The following VAT1L variants were observed in gnomAD, a reference collection of about 807,000 sequenced individuals.
VAT1L encodes the protein putative NADPH-dependent quinone oxidoreductase VAT1L.
Under a neutral mutation model 44.1 loss-of-function variants are expected in VAT1L, and 34 were observed. The ratio of observed to expected loss-of-function variants is 0.77; its 90% CI spans 0.59 to 1.03. VAT1L has a LOEUF of 1.03. Among genes scored for constraint, VAT1L ranks in the 50% least tolerant of loss-of-function variants. The pLI, the probability that VAT1L is intolerant of heterozygous loss-of-function variation, is 0.00. For synonymous variants in VAT1L, 253 were observed against 202.2 expected, an observed-to-expected ratio of 1.25 and a Z score of -2.13; for missense variants, 615 against 538.8, an observed-to-expected ratio of 1.14 and a Z score of -1.40.
chr16:77,868,434 G>A (rs2016997842), intron 4 of VAT1L, among the ~76,000 whole-genome samples: 1 of 152,192 alleles, frequency 6.6e-6, no homozygotes, highest in Admixed American at 6.5e-5. Context: ...AGCACTGTGG[G>A]GGCACAGGTG....
chr16:77,821,077 G>A (rs922730975), intron 2 of VAT1L, among the ~76,000 whole-genome samples: 5 of 152,172 alleles, frequency 3.3e-5, no homozygotes, highest in Admixed American at 1.3e-4. Flanking sequence ...GTTAGACAAC[G>A]TTCAGTTACT....
intron 7 of VAT1L, among the ~76,000 whole-genome samples, chr16:77,922,359 A>G (rs1465141527): frequency 1.3e-5 from 2 of 152,196 alleles, no homozygotes; most frequent in Non-Finnish European, 2.9e-5. Flanking sequence ...GGCCAGTTCC[A>G]TCAAGGCAGC....
chr16:77,857,524 T>C (rs1159757894), intron 3 of VAT1L, among the ~76,000 whole-genome samples: 5 of 152,102 alleles, frequency 3.3e-5, no homozygotes, highest in African/African-American at 4.8e-5. Context: ...CAAGTAGATA[T>C]GTGATGAATT....
In VAT1L at chr16:77,867,089, G is replaced by A. The variant is rs149332650; in HGVS notation, c.722+4199G>A. On this transcript the variant is annotated intron_variant, in intron 4 of 8. Transcript: ENST00000302536. ...ATTAGACCATTTTCTGTGCACCTGA[G>A]ACAATCCTGCAAGGTGAACATTCCT... Among the ~76,000 whole-genome samples, 29 of 152,272 alleles carry A rather than the reference G, an allele frequency of 1.9e-4. No homozygotes were observed. The East Asian group carries it at 5.2e-3, about 27-fold the overall frequency.
intron 7 of VAT1L, among the ~76,000 whole-genome samples, chr16:77,896,502 G>T (rs995268716): frequency 6.6e-6 from 1 of 152,204 alleles, no homozygotes; most frequent in Admixed American, 6.5e-5. Flanking sequence ...GACTGACAGA[G>T]AGTAAGTGCT....
At chr16:77,960,581 T>C (rs2018150483) in intron 7 of VAT1L, among the ~76,000 whole-genome samples, 1 of 152,180 alleles carries the variant, frequency 6.6e-6, no homozygotes. Context: ...AGGGGAAATA[T>C]CTTCATTCTC....
At chr16:77,857,579 A>G (rs777765366) in intron 3 of VAT1L, among the ~76,000 whole-genome samples, 33 of 151,506 alleles carry the variant, frequency 2.2e-4, no homozygotes, top group Non-Finnish European at 3.8e-4. Context: ...ATAGATTATT[A>G]TATATTATAC....
At position 77,824,109 on chromosome 16, in the gene VAT1L, A is replaced by G. The variant is rs765698469; in HGVS notation, c.364-1137A>G. ...GGCTGTAAGTTCCTCATGTTTGGCT[A>G]TGGGGACTACATTTTTGAGAAGTCC... On this transcript the variant is annotated intron_variant, in intron 2 of 8. Transcript: ENST00000302536. Among the ~76,000 whole-genome samples, 6 of 152,226 alleles carry G rather than the reference A, an allele frequency of 3.9e-5. No individual in the cohort carries two copies. In the South Asian group the frequency reaches 1.0e-3, roughly 26 times the overall value.
chr16:77,908,201 T>G (rs972410637), intron 7 of VAT1L, among the ~76,000 whole-genome samples: 1 of 149,608 alleles, frequency 6.7e-6, no homozygotes, highest in African/African-American at 2.5e-5. Flanking sequence ...ATGGCACCAC[T>G]GCACTCCAGC....
chr16:77,804,649 G>C (rs111323604), intron 1 of VAT1L, among the ~76,000 whole-genome samples: 352 of 152,256 alleles, frequency 2.3e-3, no homozygotes, highest in African/African-American at 8.3e-3. Context: ...CCATCATGAT[G>C]AGTTTGTCCC....
chr16:77,830,116 A>G (rs74029427), intron 3 of VAT1L, among the ~76,000 whole-genome samples: 3,019 of 152,164 alleles, frequency 0.02, 95 homozygotes, highest in African/African-American at 0.067. Flanking sequence ...AGATGAGGCA[A>G]GATCAGCACT....
At chr16:77,911,677 G>A (rs1224607356) in intron 7 of VAT1L, among the ~76,000 whole-genome samples, 2 of 152,194 alleles carry the variant, frequency 1.3e-5, no homozygotes, top group African/African-American at 4.8e-5. Flanking sequence ...GTTTGTGGGA[G>A]GTGGGGAAGG....
intron 2 of VAT1L, among the ~76,000 whole-genome samples, chr16:77,821,312 T>G (rs1268127556): frequency 6.6e-6 from 1 of 151,778 alleles, no homozygotes; most frequent in Non-Finnish European, 1.5e-5. Flanking sequence ...TTTTTTTTTT[T>G]TTTTCGAGAT....
At chr16:77,926,074 A>G (rs527303936) in intron 7 of VAT1L, among the ~76,000 whole-genome samples, 76 of 150,828 alleles carry the variant, frequency 5.0e-4, no homozygotes, top group African/African-American at 1.8e-3. Context: ...CATCCTGGCT[A>G]ACACTGTGAA....
chr16:77,930,285 G>C (rs1263675539), intron 7 of VAT1L, among the ~76,000 whole-genome samples: 1 of 152,168 alleles, frequency 6.6e-6, no homozygotes, highest in African/African-American at 2.4e-5. Context: ...CTCAGTGAAA[G>C]CCACTAGGTC....
chr16:77,879,756 A>G lies in VAT1L; in HGVS notation c.882+532A>G, dbSNP rs1366415944. Among the ~76,000 whole-genome samples, 1 of 152,214 alleles carries G rather than the reference A, an allele frequency of 6.6e-6. No homozygotes were observed. Among genetic ancestry groups the G allele is most frequent in the Non-Finnish European group, 1.5e-5 (1 of 68,040 alleles). Reference sequence around the variant, plus strand: ...GTGGGAGTGTCAGAGAAACTCAAGAAAGCTACAGCTTTATTTCAGTCAAAA... The same window carrying G: ...GTGGGAGTGTCAGAGAAACTCAAGAGAGCTACAGCTTTATTTCAGTCAAAA... On this transcript the variant is annotated intron_variant, in intron 6 of 8. Transcript: ENST00000302536. The surrounding 1 kb of genome is among the most constrained non-coding windows in gnomAD (Gnocchi z 4.1).
chr16:77,815,968 C>CA (rs57312031), intron 1 of VAT1L, among the ~76,000 whole-genome samples: 15,035 of 32,826 alleles, frequency 0.46, 3,724 homozygotes, highest in Non-Finnish European at 0.51. Context: ...AACTCTGTCT[C>CA]AAAAAAAAAA....
intron 7 of VAT1L, among the ~76,000 whole-genome samples, chr16:77,932,349 C>A (rs901735727): frequency 6.6e-5 from 10 of 152,064 alleles, no homozygotes; most frequent in South Asian, 2.1e-4. Flanking sequence ...TCATGATCCT[C>A]CCGCCTTGGC....
chr16:77,802,943 A>G (rs77714327), intron 1 of VAT1L, among the ~76,000 whole-genome samples: 2,394 of 152,204 alleles, frequency 0.016, 70 homozygotes, highest in African/African-American at 0.055. Flanking sequence ...CCATCACGGC[A>G]GCGGACACAG....
Sources: allele counts gnomAD v4.1 joint callset (sites outside exome capture counted in the v4.1 genomes callset), GRCh38; gene constraint gnomAD v4.1.1; non-coding constraint Gnocchi (gnomAD v3.1); transcripts MANE v1.5; gene names NCBI Gene and HGNC (gene_info 2026-07-23, HGNC 2026-07-21).